The following PDPR variants were observed in gnomAD, a reference collection of about 807,000 sequenced individuals.
PDPR encodes pyruvate dehydrogenase phosphatase regulatory subunit, also known as pyruvate dehydrogenase phosphatase regulatory subunit, mitochondrial.
In PDPR, 50 loss-of-function variants were observed where a neutral mutation model predicts 102.2. The observed-to-expected ratio is 0.49, with a 90% CI of 0.39 to 0.62. The LOEUF is 0.62. Among genes scored for constraint, PDPR ranks in the 20% least tolerant of loss-of-function variants. The probability of loss-of-function intolerance (pLI) is 0.00; values close to 1 mark genes in which losing one functional copy is unlikely to be tolerated. For missense variants in PDPR, 625 were observed against 1,098.2 expected, an observed-to-expected ratio of 0.57 and a Z score of 6.09; for synonymous variants, 259 against 406.0, an observed-to-expected ratio of 0.64 and a Z score of 4.35.
intron 11 of PDPR, among the ~76,000 whole-genome samples, chr16:70,141,476 G>A (rs1270881473): frequency 1.3e-5 from 2 of 152,280 alleles, no homozygotes; most frequent in Non-Finnish European, 2.9e-5. Flanking sequence ...CTTCAGAAGT[G>A]AGTTAATTAT....
intron 15 of PDPR, chr16:70,145,904 G>C (rs1597366312): frequency 4.9e-5 from 26 of 530,068 alleles, no homozygotes; most frequent in South Asian, 4.9e-4. Flanking sequence ...CGGGAATTGT[G>C]TGGGGTGGTT....
chr16:70,157,228 G>A lies in PDPR; in HGVS notation c.*349G>A. ...TTCAAATTCTGCATCTCAAGGCAGG[G>A]CAAGCCGGGGTGGTGCAGGTCTCAG... On this transcript the variant is annotated 3_prime_UTR_variant, in exon 19 of 19. Coordinates refer to ENST00000288050, the MANE Select transcript of PDPR (RefSeq NM_017990.5). 1 of 532,496 alleles carries A rather than the reference G, an allele frequency of 1.9e-6. No individual in the cohort carries two copies. Among genetic ancestry groups the A allele is most frequent in the Non-Finnish European group, 3.6e-6 (1 of 278,680 alleles). The allele number at this position is 532,496 out of a possible 1,614,324, so 33.0% of individuals were successfully genotyped here.
At chr16:70,118,188 C>G (rs1472149238) in intron 2 of PDPR, among the ~76,000 whole-genome samples, 1 of 151,908 alleles carries the variant, frequency 6.6e-6, no homozygotes, top group African/African-American at 2.4e-5. Flanking sequence ...GAGCTAGGGT[C>G]AAGAGAAGAG....
chr16:70,153,751 T>C (rs570581191), intron 18 of PDPR, among the ~76,000 whole-genome samples, 178 bp downstream of exon 18: 5 of 152,398 alleles, frequency 3.3e-5, no homozygotes, highest in Admixed American at 2.0e-4. Flanking sequence ...GGATAAAATA[T>C]CTTCAAATGA....
At chr16:70,123,805 G>C (rs1963616125) in intron 3 of PDPR, among the ~76,000 whole-genome samples, 1 of 152,258 alleles carries the variant, frequency 6.6e-6, no homozygotes, top group Non-Finnish European at 1.5e-5. Flanking sequence ...GTAATCCCAG[G>C]ACTTTGGGAG....
chr16:70,148,461 CAGG>C lies in PDPR; in HGVS notation c.1963_1965del (p.Glu655del). Reference sequence around the variant, plus strand: ...AGGCTGACTGCTGCCTTTGTCCCTGCAGGAGATGAGTGTGGGCTATGCAAATGG... The same window carrying C: ...AGGCTGACTGCTGCCTTTGTCCCTGCAGATGAGTGTGGGCTATGCAAATGG... On this transcript the variant is annotated splice_acceptor_variant and coding_sequence_variant, in exon 17 of 19. Coordinates refer to ENST00000288050, the MANE Select transcript of PDPR (RefSeq NM_017990.5). LOFTEE classifies it high-confidence loss of function. The C allele has an allele frequency of 6.2e-7, 1 of 1,611,262 alleles. No individual in the cohort carries two copies.
At chr16:70,137,491 A>G (rs1193886433) in intron 10 of PDPR, among the ~76,000 whole-genome samples, 1 of 152,260 alleles carries the variant, frequency 6.6e-6, no homozygotes, top group African/African-American at 2.4e-5. Flanking sequence ...AGAAAGTACA[A>G]TGGTGGTTGC....
chr16:70,124,370 T>A lies in PDPR; in HGVS notation c.228-2890T>A, dbSNP rs532604764. On this transcript the variant is annotated intron_variant, in intron 3 of 18. Coordinates refer to ENST00000288050, the MANE Select transcript of PDPR (RefSeq NM_017990.5). ...AGAGTGAGACTGTCTCAAAAAATAA[T>A]AGTTATTATTATGCCTTATCCGTGG... Among the ~76,000 whole-genome samples the A allele has an allele frequency of 9.2e-5, 14 of 152,336 alleles. No individual in the cohort carries two copies. The East Asian group carries it at 1.5e-3, about 17-fold the overall frequency.
At chr16:70,153,630 C>G (rs1308978734) in intron 18 of PDPR, 57 bp downstream of exon 18, 39 of 1,492,180 alleles carry the variant, frequency 2.6e-5, no homozygotes, top group Non-Finnish European at 3.5e-5. Context: ...TGAATCTGCA[C>G]TAGACTAGGA....
chr16:70,127,163 T>C, intron 3 of PDPR, 97 bp from the exon 4 acceptor site: 1 of 1,539,454 alleles, frequency 6.5e-7, no homozygotes. Flanking sequence ...CTTGTTTCCA[T>C]CTTTTGGTGT....
chr16:70,162,799 G>C (rs1967909927), downstream of PDPR, among the ~76,000 whole-genome samples: 1 of 152,280 alleles, frequency 6.6e-6, no homozygotes, highest in South Asian at 2.1e-4. Context: ...CCTGCCACCT[G>C]ATGTTCCACA....
At chr16:70,126,169 T>G (rs538119513) in intron 3 of PDPR, among the ~76,000 whole-genome samples, 7 of 152,382 alleles carry the variant, frequency 4.6e-5, no homozygotes, top group Admixed American at 4.6e-4. Context: ...CTTTTCATTC[T>G]TTTTTATAGC....
Position 70,131,212 on chromosome 16 carries a change from A to G in PDPR, c.730-90A>G, listed in dbSNP as rs1964503820. The G allele has an allele frequency of 4.1e-5, 32 of 786,902 alleles. No individual in the cohort carries two copies. The South Asian group carries it at 4.7e-4, about 12-fold the overall frequency. 48.7% of individuals were successfully genotyped at this position (786,902 alleles called of 1,614,324 possible). On this transcript the variant is annotated intron_variant, in intron 7 of 18. Coordinates refer to ENST00000288050, the MANE Select transcript of PDPR (RefSeq NM_017990.5). ...TGACACTGTAGCAAGAGCACACATA[A>G]GCCACTTGGAATTAATCTCAAGAGG...
At chr16:70,129,759 T>A (rs1964348837) in intron 6 of PDPR, among the ~76,000 whole-genome samples, 2 of 152,266 alleles carry the variant, frequency 1.3e-5, no homozygotes, top group Non-Finnish European at 2.9e-5. Flanking sequence ...TGAGCCCAGT[T>A]GCATTGAATG....
intron 3 of PDPR, among the ~76,000 whole-genome samples, chr16:70,122,547 A>G (rs1436405066): frequency 2.0e-5 from 3 of 152,270 alleles, no homozygotes; most frequent in Admixed American, 2.0e-4. Context: ...CTGGTCACTC[A>G]GTTACATTGG....
chr16:70,142,725 CTT>C (rs1464471662), intron 13 of PDPR, 39 bp downstream of exon 13: 1 of 1,613,104 alleles, frequency 6.2e-7, no homozygotes, highest in Non-Finnish European at 8.5e-7. Flanking sequence ...GATTAGGAAA[CTT>C]TACATATTTA....
At chr16:70,149,144 C>T (rs1966493953) in intron 17 of PDPR, among the ~76,000 whole-genome samples, 3 of 152,008 alleles carry the variant, frequency 2.0e-5, no homozygotes, top group South Asian at 4.2e-4. Context: ...ATACACCCAC[C>T]TTGTCCTCCC....
intron 2 of PDPR, among the ~76,000 whole-genome samples, chr16:70,115,187 GA>G (rs1962514860): frequency 6.6e-6 from 1 of 151,930 alleles, no homozygotes; most frequent in Non-Finnish European, 1.5e-5. Context: ...GCAGTGGCGC[GA>G]TCTCGGCTCA....
chr16:70,132,519 TTTTTAATTTTA>T (rs1964641702), intron 9 of PDPR, among the ~76,000 whole-genome samples: 1 of 152,390 alleles, frequency 6.6e-6, no homozygotes, highest in African/African-American at 2.4e-5. Flanking sequence ...GCCTTATTCT[TTTTTAATTTTA>T]TTCTTAGTTT....
Sources: allele counts gnomAD v4.1 joint callset (sites outside exome capture counted in the v4.1 genomes callset), GRCh38; gene constraint gnomAD v4.1.1; transcripts MANE v1.5; gene names NCBI Gene and HGNC (gene_info 2026-07-23, HGNC 2026-07-21).